S100Z: variants seen among roughly 807,000 people sequenced by gnomAD.
S100Z encodes protein S100-Z.
S100Z carries 11 observed loss-of-function variants against 8.5 expected under a neutral mutation model. The ratio of observed to expected loss-of-function variants is 1.30; its 90% CI spans 0.82 to 2.15. S100Z has a LOEUF of 2.15. Among genes scored for constraint, S100Z ranks in the 30% most tolerant of loss-of-function variants. S100Z has a pLI of 0.00. For synonymous variants in S100Z, 34 were observed against 43.8 expected (o/e 0.78, Z 0.89); for missense variants, 126 against 117.9 (o/e 1.07, Z -0.32).
At chr5:76,864,650 C>T (rs1277039188) in intron 1 of S100Z, among the ~76,000 whole-genome samples, 1 of 152,066 alleles carries the variant, frequency 6.6e-6, no homozygotes, top group Admixed American at 6.6e-5. Context: ...GCGAGCCACC[C>T]GCCTCAGCCT....
chr5:76,908,507 G>A (rs114077013), intron 4 of S100Z, among the ~76,000 whole-genome samples: 1,692 of 152,174 alleles, frequency 0.011, 25 homozygotes, highest in African/African-American at 0.038. Context: ...ATGATTTCTC[G>A]TATAAACTTC....
intron 4 of S100Z, among the ~76,000 whole-genome samples, chr5:76,893,635 G>A (rs1043015154): frequency 6.6e-5 from 10 of 152,122 alleles, no homozygotes; most frequent in Non-Finnish European, 1.3e-4. Flanking sequence ...GGTGCCTCCA[G>A]GGAAACTGTG....
In S100Z at chr5:76,874,244, T is replaced by C. The variant is rs149893973; in HGVS notation, c.-56-1060T>C. Among the ~76,000 whole-genome samples the C allele has an allele frequency of 3.1e-3, 471 of 152,078 alleles. 1 individual carries two copies. Among genetic ancestry groups the C allele is most frequent in the African/African-American group, 0.011 (444 of 41,502 alleles). ...TCCTTTGGGTTAGTTTAATCTACTA[T>C]GAATTTACTCCCTTGTCCTTGCTAT... On this transcript the variant is annotated intron_variant, in intron 2 of 4. Transcript: ENST00000317593.
chr5:76,900,859 C>A (rs1321740615), intron 4 of S100Z, among the ~76,000 whole-genome samples: 1 of 150,478 alleles, frequency 6.6e-6, no homozygotes, highest in Non-Finnish European at 1.5e-5. Context: ...GGCTTATTTG[C>A]AGCCATCCTT....
In S100Z at chr5:76,885,771, CACAG is replaced by C. The variant is rs998916261; in HGVS notation, c.*2+7943_*2+7946del. Among the ~76,000 whole-genome samples the C allele has an allele frequency of 1.3e-4, 19 of 144,476 alleles. No homozygotes were observed. In the South Asian group the frequency reaches 1.3e-3, roughly 10 times the overall value. 94.8% of individuals were successfully genotyped at this position (144,476 alleles called of 152,430 possible). ...CAGGAAAGTGGAGAAGGGATAGAGACACAGACAGAAGAGGTGGGGGCTGCTTGCC... is the reference window on the plus strand; with the variant it reads ...CAGGAAAGTGGAGAAGGGATAGAGACACAGAAGAGGTGGGGGCTGCTTGCC... On this transcript the variant is annotated intron_variant, in intron 4 of 4. Coordinates refer to ENST00000317593, the MANE Select transcript of S100Z (RefSeq NM_130772.4).
At chr5:76,870,107 GT>G (rs1360765170) in intron 1 of S100Z, 58 bp from the exon 2 acceptor site, 5 of 151,966 alleles carry the variant, frequency 3.3e-5, no homozygotes, top group Non-Finnish European at 5.9e-5. Flanking sequence ...TTTTGCTTAG[GT>G]CCCGTGAGAT....
At chr5:76,923,627 G>A (rs1210263687), downstream of S100Z, among the ~76,000 whole-genome samples, 2 of 152,290 alleles carry the variant, frequency 1.3e-5, no homozygotes, top group South Asian at 2.1e-4. Flanking sequence ...CCTCATGGGT[G>A]TAGAATCAGA....
intron 4 of S100Z, among the ~76,000 whole-genome samples, chr5:76,910,982 T>C (rs1168402463): frequency 6.6e-6 from 1 of 152,216 alleles, no homozygotes; most frequent in Non-Finnish European, 1.5e-5. Flanking sequence ...GAGGGATATA[T>C]TAGCCAAGGC....
At chr5:76,922,301 C>T (rs1227001927), downstream of S100Z, among the ~76,000 whole-genome samples, 2 of 152,176 alleles carry the variant, frequency 1.3e-5, no homozygotes, top group Admixed American at 1.3e-4. Flanking sequence ...GGAAAGATCA[C>T]TCACCAGAGA....
chr5:76,919,104 T>A (rs112448245), intron 4 of S100Z, among the ~76,000 whole-genome samples: 2,200 of 152,322 alleles, frequency 0.014, 60 homozygotes, highest in African/African-American at 0.049. Flanking sequence ...AAGAACATAT[T>A]GCTTGCTTCC....
chr5:76,917,643 C>G (rs1431164967), intron 4 of S100Z, among the ~76,000 whole-genome samples: 1 of 151,948 alleles, frequency 6.6e-6, no homozygotes, highest in Non-Finnish European at 1.5e-5. Context: ...GCCAACATGG[C>G]GAAACCCCAT....
chr5:76,952,852 A>G, the S100Z span: 65 of 451,430 alleles, frequency 1.4e-4, no homozygotes, highest in Non-Finnish European at 2.2e-4. Context: ...AGTTGTAGTG[A>G]CTGAAATCAT....
At chr5:76,864,664 A>G (rs574185707) in intron 1 of S100Z, among the ~76,000 whole-genome samples, 6 of 152,004 alleles carry the variant, frequency 3.9e-5, no homozygotes, top group Non-Finnish European at 8.8e-5. Flanking sequence ...TCAGCCTCCC[A>G]GAGTGCTGGG....
At position 76,875,481 on chromosome 5, in the gene S100Z, A is replaced by G. The variant is rs1175570195; in HGVS notation, c.122A>G (p.Glu41Gly). Reference sequence around the variant, plus strand: ...GAACTGAAACTGCTCCTGCAGCGAGAGCTCACGGAATTCCTCTCGGTGAGT... The same window carrying G: ...GAACTGAAACTGCTCCTGCAGCGAGGGCTCACGGAATTCCTCTCGGTGAGT... ...KGELKLLLQR[E>G]LTEFLSCQKE... Residue 41 changes from glutamate to glycine, a missense_variant, in exon 3 of 5, where the codon GAG becomes GGG. By Grantham distance (98) the Glu-to-Gly change is moderately conservative. Coordinates refer to ENST00000317593, the MANE Select transcript of S100Z (RefSeq NM_130772.4). 6.2e-7 allele frequency: 1 copy of G among 1,610,168 alleles called. No homozygotes were observed. The highest frequency in any genetic ancestry group is 1.7e-5 in the Admixed American group (1 of 59,138).
At chr5:76,913,901 CTT>C (rs1744763219) in intron 4 of S100Z, among the ~76,000 whole-genome samples, 1 of 152,234 alleles carries the variant, frequency 6.6e-6, no homozygotes, top group Admixed American at 6.5e-5. Context: ...CTTATACCAA[CTT>C]CTGGAGTTGG....
At chr5:76,952,809 C>T in the S100Z span, 11 of 322,646 alleles carry the variant, frequency 3.4e-5, no homozygotes, top group Admixed American at 2.0e-4. Context: ...TATTCTTTGT[C>T]TCCGCCTCAT....
intron 4 of S100Z, among the ~76,000 whole-genome samples, chr5:76,902,125 C>T (rs1033902898): frequency 6.6e-6 from 1 of 152,066 alleles, no homozygotes; most frequent in Non-Finnish European, 1.5e-5. Flanking sequence ...CTCTTCTCTT[C>T]AAGCAGAAGG....
intron 4 of S100Z, among the ~76,000 whole-genome samples, chr5:76,906,506 A>C (rs80146713): frequency 0.039 from 5,898 of 152,122 alleles, 321 homozygotes; most frequent in African/African-American, 0.12. Flanking sequence ...TTTATATTTC[A>C]CATATAAGTA....
At chr5:76,873,694 G>A (rs539057451) in intron 2 of S100Z, among the ~76,000 whole-genome samples, 1 of 152,138 alleles carries the variant, frequency 6.6e-6, no homozygotes, top group African/African-American at 2.4e-5. Flanking sequence ...GCAAGGCCAG[G>A]GGCAGATGGG....
Sources: gnomAD v4.1 joint callset for allele counts (sites outside exome capture counted in the v4.1 genomes callset) on GRCh38, gnomAD v4.1.1 for gene constraint, MANE v1.5 for transcripts, NCBI Gene and HGNC (gene_info 2026-07-23, HGNC 2026-07-21) for gene names.